TNPO1: variants seen among roughly 807,000 people sequenced by gnomAD.
TNPO1 encodes the protein transportin-1.
In TNPO1, 8 loss-of-function variants were observed where a neutral mutation model predicts 119.5. The ratio of observed to expected loss-of-function variants is 0.07; its 90% CI spans 0.04 to 0.12. The LOEUF is 0.12. Among genes scored for constraint, TNPO1 ranks in the 10% least tolerant of loss-of-function variants. TNPO1 has a pLI of 1.00. For missense variants in TNPO1, 576 were observed against 1,089.8 expected (o/e 0.53, Z 6.64); for synonymous variants, 362 against 363.0 (o/e 1.00, Z 0.03).
At chr5:72,855,955 T>C (rs1425781552) in intron 4 of TNPO1, 32 bp downstream of exon 4, 1 of 1,605,774 alleles carries the variant, frequency 6.2e-7, no homozygotes, top group Admixed American at 1.7e-5. Context: ...TTGCTTACTT[T>C]GTTTGTAACT....
At chr5:72,829,865 A>C (rs944473498) in intron 1 of TNPO1, among the ~76,000 whole-genome samples, 1 of 152,148 alleles carries the variant, frequency 6.6e-6, no homozygotes, top group African/African-American at 2.4e-5. Flanking sequence ...AGAGGAAGGC[A>C]GTTAGTCCTA....
intron 1 of TNPO1, among the ~76,000 whole-genome samples, chr5:72,821,066 T>C (rs1263624082): frequency 1.3e-5 from 2 of 152,168 alleles, no homozygotes; most frequent in East Asian, 3.8e-4. Context: ...AATATACGTT[T>C]AGTAAAACTC....
intron 6 of TNPO1, among the ~76,000 whole-genome samples, chr5:72,867,691 G>A (rs980241962): frequency 6.6e-6 from 1 of 151,864 alleles, no homozygotes; most frequent in East Asian, 1.9e-4. Flanking sequence ...TACATTTCTT[G>A]ATAGATAATT....
intron 2 of TNPO1, among the ~76,000 whole-genome samples, chr5:72,850,895 G>T (rs1236038400): frequency 6.6e-6 from 1 of 151,722 alleles, no homozygotes; most frequent in Non-Finnish European, 1.5e-5. Context: ...TTTTATTTTT[G>T]TCATTTTATG....
intron 1 of TNPO1, among the ~76,000 whole-genome samples, chr5:72,818,331 A>G (rs1743794321): frequency 1.3e-5 from 2 of 152,210 alleles, no homozygotes; most frequent in South Asian, 2.1e-4. Context: ...AAAATACATG[A>G]TTCTAGTTGT....
intron 6 of TNPO1, among the ~76,000 whole-genome samples, chr5:72,866,516 G>A (rs1746917241): frequency 6.6e-6 from 1 of 152,166 alleles, no homozygotes; most frequent in African/African-American, 2.4e-5. Flanking sequence ...CACTTTGGGA[G>A]GCCCAGGTGG....
chr5:72,865,416 CGACACACCAAGACTCCGTCTCAAAA>C (rs1366521972), intron 5 of TNPO1, among the ~76,000 whole-genome samples, 155 bp from the exon 6 acceptor site: 23 of 146,662 alleles, frequency 1.6e-4, no homozygotes, highest in Admixed American at 1.5e-3. Context: ...CCAGCCTGGG[CGACACACCAAGACTCCGTCTCAAAA>C]AAAAAAAAAT....
In TNPO1 at chr5:72,826,736, T is replaced by C. The variant is rs146112521; in HGVS notation, c.15+9984T>C. Among the ~76,000 whole-genome samples, 346 of 152,316 alleles carry C rather than the reference T, an allele frequency of 2.3e-3. 2 individuals carry two copies. The highest frequency in any genetic ancestry group is 8.0e-3 in the African/African-American group (334 of 41,570). On this transcript the variant is annotated intron_variant, in intron 1 of 24. Coordinates refer to ENST00000337273, the MANE Select transcript of TNPO1 (RefSeq NM_002270.4). ...TTTGAAGTTTGTTACAGAACAGGCC[T>C]AAAACACTTTTTGTTTCTACAGATA...
At chr5:72,872,511 G>A (rs1410422349) in intron 6 of TNPO1, 128 bp from the exon 7 acceptor site, 15 of 570,240 alleles carry the variant, frequency 2.6e-5, no homozygotes, top group Non-Finnish European at 3.3e-5. Flanking sequence ...GAAGTTTGAC[G>A]TATTCTTTTT....
chr5:72,908,454 G>A (rs1163551336), intron 24 of TNPO1, among the ~76,000 whole-genome samples: 1 of 152,114 alleles, frequency 6.6e-6, no homozygotes, highest in Non-Finnish European at 1.5e-5. Context: ...ACAAAGTGTT[G>A]TACACCTGTC....
intron 22 of TNPO1, among the ~76,000 whole-genome samples, chr5:72,903,239 T>C (rs1749917107): frequency 6.6e-6 from 1 of 152,202 alleles, no homozygotes; most frequent in Non-Finnish European, 1.5e-5. Flanking sequence ...AACTAAGTTA[T>C]GTCTGAAAAT....
At chr5:72,898,243 C>T (rs1330095267) in intron 20 of TNPO1, among the ~76,000 whole-genome samples, 1 of 151,992 alleles carries the variant, frequency 6.6e-6, no homozygotes, top group Non-Finnish European at 1.5e-5. Flanking sequence ...CCTAAAGAAA[C>T]TTCTATTTAT....
chr5:72,860,680 A>T (rs1746374532), intron 4 of TNPO1, among the ~76,000 whole-genome samples: 1 of 152,178 alleles, frequency 6.6e-6, no homozygotes, highest in Non-Finnish European at 1.5e-5. Flanking sequence ...TACATGAGGG[A>T]GAGTGTTGTA....
chr5:72,828,434 A>G (rs1240857550), intron 1 of TNPO1, among the ~76,000 whole-genome samples: 1 of 152,230 alleles, frequency 6.6e-6, no homozygotes, highest in African/African-American at 2.4e-5. Flanking sequence ...AATAATTCAG[A>G]AAACTCCCAT....
At position 72,896,510 on chromosome 5, in the gene TNPO1, C is replaced by T. The variant is rs758881807; in HGVS notation, c.2196C>T (p.Val732=). Residue 732 remains valine, a synonymous_variant, in exon 19 of 25, where the codon GTC becomes GTT. Transcript: ENST00000337273. ...GTNLNPEFIS[V]CNNATWAIGE... is the part of the protein sequence containing the mutation. ...ACCTAAATCCAGAATTCATTTCAGT[C>T]TGCAACAATGCCACATGGGCAATTG... is the stretch of plus-strand genomic sequence containing the variant. 1 of 1,611,900 alleles carries T rather than the reference C, an allele frequency of 6.2e-7. No individual in the cohort carries two copies.
At chr5:72,818,853 A>G (rs768758373) in intron 1 of TNPO1, among the ~76,000 whole-genome samples, 24 of 152,224 alleles carry the variant, frequency 1.6e-4, no homozygotes, top group Non-Finnish European at 2.9e-4. Context: ...AAGAGGAAGG[A>G]TCAGAAACAG....
intron 4 of TNPO1, among the ~76,000 whole-genome samples, chr5:72,856,528 TG>T (rs77589701): frequency 0.14 from 20,723 of 152,134 alleles, 1,575 homozygotes; most frequent in East Asian, 0.29. Context: ...CCATGGCGCC[TG>T]GCTTGGAGTT....
intron 14 of TNPO1, among the ~76,000 whole-genome samples, chr5:72,891,262 C>G (rs1003536403): frequency 1.3e-5 from 2 of 151,998 alleles, no homozygotes; most frequent in African/African-American, 2.4e-5. Context: ...GTCAGGAGAT[C>G]GACACCATCC....
rs1750359600 is a variant in TNPO1 at position 72,908,858 on chromosome 5, A to G, written c.*185A>G. 4.4e-6 allele frequency: 2 copies of G among 454,080 alleles called. No homozygotes were observed. The highest frequency in any genetic ancestry group is 8.9e-6 in the Non-Finnish European group (2 of 225,728). The allele number at this position is 454,080 out of a possible 1,614,324, so 28.1% of individuals were successfully genotyped here. On this transcript the variant is annotated 3_prime_UTR_variant, in exon 25 of 25. Coordinates refer to ENST00000337273, the MANE Select transcript of TNPO1 (RefSeq NM_002270.4). ...GGGAGGTGTTGCCGTCACTGTATTA[A>G]GTCGATGTTGGGAAACGTTTTAACA...
Sources: allele counts gnomAD v4.1 joint callset (sites outside exome capture counted in the v4.1 genomes callset), GRCh38; gene constraint gnomAD v4.1.1; transcripts MANE v1.5; gene names NCBI Gene and HGNC (gene_info 2026-07-23, HGNC 2026-07-21).